ANLN: variants seen among roughly 807,000 people sequenced by gnomAD.
ANLN encodes the protein anillin.
ANLN carries 59 observed loss-of-function variants against 135.1 expected under a neutral mutation model. The observed-to-expected ratio is 0.44, with a 90% CI of 0.35 to 0.54. The LOEUF (loss-of-function observed/expected upper bound fraction) is 0.54, where lower values mean the gene tolerates loss of function less well. Among genes scored for constraint, ANLN ranks in the 20% least tolerant of loss-of-function variants. The pLI is 0.00. For synonymous variants in ANLN, 406 were observed against 456.4 expected, an observed-to-expected ratio of 0.89 and a Z score of 1.41; for missense variants, 1,182 against 1,340.0, an observed-to-expected ratio of 0.88 and a Z score of 1.84.
At chr7:36,437,986 C>T (rs1353696056) in intron 20 of ANLN, among the ~76,000 whole-genome samples, 2 of 151,924 alleles carry the variant, frequency 1.3e-5, no homozygotes, top group Non-Finnish European at 2.9e-5. Context: ...AAGGTGAAAT[C>T]CCTTCAAGGC....
At chr7:36,419,613 C>T (rs1357611796) in intron 10 of ANLN, 134 bp downstream of exon 10, 5 of 683,694 alleles carry the variant, frequency 7.3e-6, no homozygotes, top group African/African-American at 1.8e-5. Flanking sequence ...TGTCTGTTCT[C>T]TTAAAAGAAA....
At chr7:36,431,595 G>GTGTGTGTGTATA (rs1562812497) in intron 20 of ANLN, among the ~76,000 whole-genome samples, 4 of 21,118 alleles carry the variant, frequency 1.9e-4, no homozygotes, top group African/African-American at 3.9e-4. Flanking sequence ...GTGTGTGTGT[G>GTGTGTGTGTATA]TGTATATATA....
At chr7:36,414,786 G>C (rs1233186267) in intron 7 of ANLN, among the ~76,000 whole-genome samples, 1 of 152,138 alleles carries the variant, frequency 6.6e-6, no homozygotes, top group Non-Finnish European at 1.5e-5. Context: ...CTTCTAACTT[G>C]AGAGACAATA....
At chr7:36,390,201 T>C (rs1217177190) in intron 1 of ANLN, 157 bp downstream of exon 1, 1 of 1,240,682 alleles carries the variant, frequency 8.1e-7, no homozygotes, top group Non-Finnish European at 1.1e-6. Flanking sequence ...GGCTGCGGCC[T>C]GCTGTGGTTG....
Position 36,399,369 on chromosome 7 carries a change from C to T in ANLN, c.463C>T (p.Arg155Cys), listed in dbSNP as rs199641217. The T allele has an allele frequency of 3.2e-5, 52 of 1,611,892 alleles. No homozygotes were observed. In the South Asian group the frequency reaches 4.4e-4, roughly 14 times the overall value. ...RMQKLAEQRR[R>C]WDNDDMTDDI... is the part of the protein sequence containing the mutation. ...GCAAAAACTTGCAGAGCAACGGCGC[C>T]GTTGGGATAATGATGATATGACAGG... Residue 155 changes from arginine to cysteine, a missense_variant, in exon 3 of 24, where the codon CGT becomes TGT. By Grantham distance (180) the Arg-to-Cys change is radical. Coordinates refer to ENST00000265748, the MANE Select transcript of ANLN (RefSeq NM_018685.5).
chr7:36,429,232 T>A (rs1025321239), intron 20 of ANLN, among the ~76,000 whole-genome samples: 9 of 152,076 alleles, frequency 5.9e-5, no homozygotes, highest in African/African-American at 1.2e-4. Flanking sequence ...AGTTTTTTTT[T>A]TGTTTTGAGA....
chr7:36,426,294 T>C (rs1788074749), intron 19 of ANLN, among the ~76,000 whole-genome samples: 1 of 152,126 alleles, frequency 6.6e-6, no homozygotes, highest in Admixed American at 6.6e-5. Flanking sequence ...GCATTACTCT[T>C]TACTTCAACT....
chr7:36,401,531 G>A (rs1786948206), intron 3 of ANLN, among the ~76,000 whole-genome samples: 1 of 151,530 alleles, frequency 6.6e-6, no homozygotes, highest in Non-Finnish European at 1.5e-5. Context: ...TAGAGATGAG[G>A]TTTCACCATG....
intron 1 of ANLN, among the ~76,000 whole-genome samples, chr7:36,393,425 A>G (rs1786564411): frequency 6.6e-6 from 1 of 152,200 alleles, no homozygotes; most frequent in Non-Finnish European, 1.5e-5. Context: ...AGGCACTTCA[A>G]GAGAGGAGAA....
chr7:36,425,604 T>C, intron 17 of ANLN, 98 bp from the exon 18 acceptor site: 2 of 1,012,828 alleles, frequency 2.0e-6, no homozygotes, highest in South Asian at 3.0e-5. Context: ...AAGAATTAAT[T>C]ATTTTCTATG....
At chr7:36,408,690 A>T (rs567144199) in intron 5 of ANLN, among the ~76,000 whole-genome samples, 4 of 152,072 alleles carry the variant, frequency 2.6e-5, no homozygotes, top group Admixed American at 6.5e-5. Context: ...GCCAAACTGT[A>T]TATTTGTACT....
rs546074624 is a variant in ANLN at position 36,390,838 on chromosome 7, G to A, written c.18+794G>A. On this transcript the variant is annotated intron_variant, in intron 1 of 23. Transcript: ENST00000265748. Reference sequence around the variant, plus strand: ...TTAGCTTTTGTGGAGAATGTGCGTTGTCACATTCAGGAGTGTTTTGTTGCC... The same window carrying A: ...TTAGCTTTTGTGGAGAATGTGCGTTATCACATTCAGGAGTGTTTTGTTGCC... 6.5e-5 allele frequency among the ~76,000 whole-genome samples: 8 copies of A among 123,632 alleles called. No individual in the cohort carries two copies. The South Asian group carries it at 1.8e-3, about 28-fold the overall frequency. The allele number at this position is 123,632 out of a possible 152,430, so 81.1% of individuals were successfully genotyped here.
At chr7:36,435,600 G>A (rs184430866) in intron 20 of ANLN, among the ~76,000 whole-genome samples, 23 of 152,076 alleles carry the variant, frequency 1.5e-4, no homozygotes, top group East Asian at 1.4e-3. Flanking sequence ...ATGGCCGGGC[G>A]CGGTGGCTCA....
intron 23 of ANLN, 139 bp from the exon 24 acceptor site, chr7:36,452,338 T>G: frequency 1.9e-6 from 2 of 1,059,006 alleles, no homozygotes; most frequent in Non-Finnish European, 1.4e-6. Flanking sequence ...TAAGTGGCTG[T>G]GGATTAGCAT....
chr7:36,446,218 C>T (rs761637128), intron 22 of ANLN, among the ~76,000 whole-genome samples: 12 of 152,156 alleles, frequency 7.9e-5, no homozygotes, highest in Non-Finnish European at 1.5e-4. Flanking sequence ...ATTTAAGAAA[C>T]TATCCTTATC....
At chr7:36,412,306 AAT>A (rs60215077) in intron 7 of ANLN, among the ~76,000 whole-genome samples, 8,699 of 102,438 alleles carry the variant, frequency 0.085, 536 homozygotes, top group East Asian at 0.31. Context: ...CTGCCAGAGA[AAT>A]ATATATATAT....
rs73332685 is a variant in ANLN, at chr7:36,442,324, G to A, written c.2971-1431G>A. Among the ~76,000 whole-genome samples the A allele has an allele frequency of 5.7e-3, 864 of 152,262 alleles. 4 individuals are homozygous for A. The highest frequency in any genetic ancestry group is 0.017 in the Middle Eastern group (5 of 294). On this transcript the variant is annotated intron_variant, in intron 21 of 23. Transcript: ENST00000265748. Reference sequence around the variant, plus strand: ...ATATGAAGGTAATCTAAAATCAAACGCAAAGATGCCTTTGGATCATCTGTA... The same window carrying A: ...ATATGAAGGTAATCTAAAATCAAACACAAAGATGCCTTTGGATCATCTGTA...
chr7:36,402,850 A>AC (rs1473805953), intron 3 of ANLN, among the ~76,000 whole-genome samples: 23 of 152,044 alleles, frequency 1.5e-4, no homozygotes, highest in African/African-American at 4.8e-5. Flanking sequence ...CCACCACTTT[A>AC]CCTGCAATAC....
At chr7:36,429,409 CAG>C (rs1788221420) in intron 20 of ANLN, among the ~76,000 whole-genome samples, 1 of 151,986 alleles carries the variant, frequency 6.6e-6, no homozygotes, top group African/African-American at 2.4e-5. Context: ...TTAGTAGAGA[CAG>C]GGTTTCACCA....
Sources: allele counts gnomAD v4.1 joint callset (sites outside exome capture counted in the v4.1 genomes callset), GRCh38; gene constraint gnomAD v4.1.1; transcripts MANE v1.5; gene names NCBI Gene and HGNC (gene_info 2026-07-23, HGNC 2026-07-21).